Variants in CTNNA3 observed in about 807,000 individuals in gnomAD.
CTNNA3 encodes catenin alpha 3, also known as catenin alpha-3.
A neutral mutation model predicts 95.7 loss-of-function variants in CTNNA3; 76 were observed. The observed-to-expected ratio is 0.79, with a 90% CI of 0.66 to 0.96. CTNNA3 has a LOEUF of 0.96. CTNNA3 is among the 40% of genes least tolerant of loss of function. CTNNA3 has a pLI of 0.00. For synonymous variants in CTNNA3, 431 were observed against 374.4 expected, an observed-to-expected ratio of 1.15 and a Z score of -1.74; for missense variants, 1,191 against 1,089.8, an observed-to-expected ratio of 1.09 and a Z score of -1.31.
intron 15 of CTNNA3, among the ~76,000 whole-genome samples, chr10:66,064,940 A>T (rs960556381): frequency 6.6e-6 from 1 of 152,218 alleles, no homozygotes; most frequent in Non-Finnish European, 1.5e-5. Flanking sequence ...ATATATACAC[A>T]TGCTGTTATA....
chr10:66,080,703 C>G (rs954109860), intron 14 of CTNNA3, among the ~76,000 whole-genome samples: 1 of 152,072 alleles, frequency 6.6e-6, no homozygotes, highest in Non-Finnish European at 1.5e-5. Flanking sequence ...AGAGATGGAA[C>G]TCAACTCTGC....
At chr10:66,189,046 C>A (rs1356585741) in intron 13 of CTNNA3, among the ~76,000 whole-genome samples, 1 of 151,956 alleles carries the variant, frequency 6.6e-6, no homozygotes, top group Non-Finnish European at 1.5e-5. Context: ...CTATTCAAGT[C>A]CTTTGCTCAC....
intron 15 of CTNNA3, among the ~76,000 whole-genome samples, chr10:66,020,615 A>G (rs979459418): frequency 6.6e-6 from 1 of 151,864 alleles, no homozygotes; most frequent in Non-Finnish European, 1.5e-5. Context: ...TAATTTGCCA[A>G]TTGATTGGAA....
intron 7 of CTNNA3, among the ~76,000 whole-genome samples, chr10:67,138,707 C>T (rs915871085): frequency 6.6e-6 from 1 of 152,138 alleles, no homozygotes; most frequent in African/African-American, 2.4e-5. Flanking sequence ...AGATGATTTG[C>T]CCATAAATGA....
chr10:67,701,779 TA>T (rs1278855244), intron 1 of CTNNA3, among the ~76,000 whole-genome samples: 1 of 151,680 alleles, frequency 6.6e-6, no homozygotes, highest in East Asian at 1.9e-4. Flanking sequence ...ATAACAATAT[TA>T]ACTTTAAATG....
At chr10:67,076,595 T>C (rs928526251) in intron 7 of CTNNA3, among the ~76,000 whole-genome samples, 3 of 152,164 alleles carry the variant, frequency 2.0e-5, no homozygotes, top group African/African-American at 7.2e-5. Context: ...TCTTTAAAAA[T>C]TGAATACAAA....
rs78882664 is a variant in CTNNA3 at position 66,518,377 on chromosome 10, C to T, written c.1531+2240G>A. 1.0e-2 allele frequency among the ~76,000 whole-genome samples: 1,518 copies of T among 152,172 alleles called. 28 individuals carry two copies. Among genetic ancestry groups the T allele is most frequent in the African/African-American group, 0.035 (1,442 of 41,492 alleles). ...CCTATGTGCTGTCAGTATTACTATG[C>T]TAAACTACCTCTACATTGATGAATG... On this transcript the variant is annotated intron_variant, in intron 11 of 17. Coordinates refer to ENST00000433211, the MANE Select transcript of CTNNA3 (RefSeq NM_013266.4).
chr10:66,230,194 TA>T (rs1181364116), intron 13 of CTNNA3, among the ~76,000 whole-genome samples: 1 of 152,228 alleles, frequency 6.6e-6, no homozygotes, highest in Admixed American at 6.5e-5. Flanking sequence ...TTAAGATCAT[TA>T]TTTTAAATTT....
At chr10:65,967,898 A>G (rs1263621902) in intron 16 of CTNNA3, among the ~76,000 whole-genome samples, 2 of 152,226 alleles carry the variant, frequency 1.3e-5, no homozygotes, top group African/African-American at 4.8e-5. Flanking sequence ...AGCATTATGT[A>G]TAATAACAAA....
Position 67,647,480 on chromosome 10 carries a change from C to T in CTNNA3, c.34G>A (p.Asp12Asn), listed in dbSNP as rs1839752364. 6.2e-7 allele frequency: 1 copy of T among 1,613,258 alleles called. No homozygotes were observed. Among genetic ancestry groups the T allele is most frequent in the Non-Finnish European group, 8.5e-7 (1 of 1,179,480 alleles). ...GTTTGGACCTGCAGATCCTGAGGAT[C>T]GATATTCAATGTGATTGGTGTTTCA... ...SAETPITLNIDPQDLQVQTFT... is the reference protein window; with the variant it reads ...SAETPITLNINPQDLQVQTFT... Residue 12 changes from aspartate (D) to asparagine (N), a missense_variant, in exon 2 of 18, where the codon GAT (aspartate) becomes AAT (asparagine). Transcript: ENST00000433211.
intron 10 of CTNNA3, among the ~76,000 whole-genome samples, chr10:66,620,181 G>C (rs998099129): frequency 6.6e-6 from 1 of 151,984 alleles, no homozygotes; most frequent in Non-Finnish European, 1.5e-5. Context: ...CACAAACCAG[G>C]ACACCCAGTA....
chr10:65,939,289 T>C (rs2077391625), intron 17 of CTNNA3, among the ~76,000 whole-genome samples: 1 of 152,194 alleles, frequency 6.6e-6, no homozygotes, highest in African/African-American at 2.4e-5. Flanking sequence ...AGTTACTTAA[T>C]GTTTCTGAGC....
intron 11 of CTNNA3, among the ~76,000 whole-genome samples, chr10:66,515,265 ATAT>A (rs1840801060): frequency 1.4e-5 from 2 of 145,914 alleles, no homozygotes; most frequent in Non-Finnish European, 3.0e-5. Context: ...CTTATTCCCT[ATAT>A]CTATCTATCT....
intron 5 of CTNNA3, among the ~76,000 whole-genome samples, chr10:67,459,883 C>T (rs1847312207): frequency 6.6e-6 from 1 of 152,160 alleles, no homozygotes; most frequent in African/African-American, 2.4e-5. Context: ...TACACTAAAA[C>T]CAAGCATGCT....
intron 7 of CTNNA3, among the ~76,000 whole-genome samples, chr10:66,829,219 A>T (rs1304363179): frequency 6.6e-6 from 1 of 152,246 alleles, no homozygotes; most frequent in Non-Finnish European, 1.5e-5. Context: ...AAAGTGGTTC[A>T]GGGCCAAATG....
chr10:67,071,022 C>A lies in CTNNA3; in HGVS notation c.1047+109295G>T, dbSNP rs556016146. On this transcript the variant is annotated intron_variant, in intron 7 of 17. Coordinates refer to ENST00000433211, the MANE Select transcript of CTNNA3 (RefSeq NM_013266.4). ...ATATAATTATTACTTTTAGTATCTT[C>A]CCAGAATTGCTAAACCTAGAAGTTT... is the stretch of plus-strand genomic sequence containing the variant. Among the ~76,000 whole-genome samples, 400 of 152,280 alleles carry A rather than the reference C, an allele frequency of 2.6e-3. 3 individuals are homozygous for A. The highest frequency in any genetic ancestry group is 0.01 in the Middle Eastern group (3 of 294).
intron 5 of CTNNA3, among the ~76,000 whole-genome samples, chr10:67,447,684 G>A (rs1846807701): frequency 6.6e-6 from 1 of 151,988 alleles, no homozygotes; most frequent in Non-Finnish European, 1.5e-5. Context: ...ACACCCCTTG[G>A]TCATCACATT....
At chr10:66,246,262 A>G (rs1328283987) in intron 13 of CTNNA3, among the ~76,000 whole-genome samples, 6 of 152,240 alleles carry the variant, frequency 3.9e-5, no homozygotes, top group Non-Finnish European at 8.8e-5. Flanking sequence ...TGGGACCCCA[A>G]GAGTGCAGGG....
At chr10:66,654,501 G>T (rs563715594) in intron 9 of CTNNA3, among the ~76,000 whole-genome samples, 1 of 152,208 alleles carries the variant, frequency 6.6e-6, no homozygotes, top group Admixed American at 6.5e-5. Flanking sequence ...TACACTCCTG[G>T]TGGGAATGGA....
Sources: gnomAD v4.1 joint callset for allele counts (sites outside exome capture counted in the v4.1 genomes callset) on GRCh38, gnomAD v4.1.1 for gene constraint, MANE v1.5 for transcripts, NCBI Gene and HGNC (gene_info 2026-07-23, HGNC 2026-07-21) for gene names.